Variants in MRPL30 observed in about 807,000 individuals in gnomAD.
The protein encoded by MRPL30 is large ribosomal subunit protein uL30m.
MRPL30 carries 10 observed loss-of-function variants against 17.2 expected under a neutral mutation model. The observed-to-expected ratio is 0.58, with a 90% CI of 0.36 to 0.99. The LOEUF (loss-of-function observed/expected upper bound fraction) is 0.99, where lower values mean the gene tolerates loss of function less well. MRPL30 is among the 50% of genes least tolerant of loss of function. The pLI, the probability that MRPL30 is intolerant of heterozygous loss-of-function variation, is 0.01. For synonymous variants in MRPL30, 61 were observed against 62.1 expected, an observed-to-expected ratio of 0.98 and a Z score of 0.08; for missense variants, 170 against 189.8, an observed-to-expected ratio of 0.90 and a Z score of 0.61.
rs2093959746 is a variant in MRPL30 at position 99,199,341 on chromosome 2, T to G, written c.*3636T>G. Among the ~76,000 whole-genome samples the G allele has an allele frequency of 6.6e-6, 1 of 152,182 alleles. No homozygotes were observed. The highest frequency in any genetic ancestry group is 1.5e-5 in the Non-Finnish European group (1 of 68,026). ...CTTTTCTCTCAAGACCTGAGGGAAT[T>G]AATTAATAAGGAATCCTTGGAACAC... On this transcript the variant is annotated 3_prime_UTR_variant, in exon 6 of 6. Coordinates refer to ENST00000338148, the MANE Select transcript of MRPL30 (RefSeq NM_145212.4).
chr2:99,185,531 C>T (rs1226097071), intron 1 of MRPL30, among the ~76,000 whole-genome samples: 1 of 152,132 alleles, frequency 6.6e-6, no homozygotes, highest in Non-Finnish European at 1.5e-5. Context: ...TAGTAGGCTA[C>T]AGTTGTTTTG....
chr2:99,189,579 A>G (rs1007957009), intron 3 of MRPL30, among the ~76,000 whole-genome samples: 1 of 152,218 alleles, frequency 6.6e-6, no homozygotes, highest in Non-Finnish European at 1.5e-5. Context: ...TTGGACAGTA[A>G]TGAACAAAGC....
In MRPL30 at chr2:99,196,598, C is replaced by G. The variant is rs1574848503; in HGVS notation, c.*893C>G. 6.6e-6 allele frequency: 1 copy of G among 152,330 alleles called. No homozygotes were observed. Among genetic ancestry groups the G allele is most frequent in the East Asian group, 1.9e-4 (1 of 5,204 alleles). The allele number at this position is 152,330 out of a possible 1,614,324, so 9.4% of individuals were successfully genotyped here. A position where few individuals can be genotyped will look rare whatever the true frequency, so the allele number is the denominator to read the frequency against. On this transcript the variant is annotated 3_prime_UTR_variant, in exon 6 of 6. Coordinates refer to ENST00000338148, the MANE Select transcript of MRPL30 (RefSeq NM_145212.4). Reference sequence around the variant, plus strand: ...GGGATTACAGGCATGAGCCACTGTACCCAGCCAAAATTGTTTTCTTTTTTA... The same window carrying G: ...GGGATTACAGGCATGAGCCACTGTAGCCAGCCAAAATTGTTTTCTTTTTTA...
Position 99,195,150 on chromosome 2 carries a change from C to T in MRPL30, c.314C>T (p.Ser105Leu). The change falls in exon 5 of 6, where the codon TCA becomes TTA. Residue 105 changes from serine (S) to leucine (L), a missense_variant. Ser to Leu is a moderately radical substitution (Grantham distance 145, BLOSUM62 -2). Transcript: ENST00000338148. ...CCTCAAGTTCACAAGAATATCCCTT[C>T]AGTGAATGCAAAATTGAAAGTAGTT... Reference protein sequence around the residue: ...HTPQVHKNIPSVNAKLKVVKH... With the variant: ...HTPQVHKNIPLVNAKLKVVKH... 1.9e-6 allele frequency: 3 copies of T among 1,605,600 alleles called. No individual in the cohort carries two copies. The South Asian group carries it at 3.4e-5, about 18-fold the overall frequency.
At chr2:99,194,621 G>A in intron 3 of MRPL30, 130 bp from the exon 4 acceptor site, 1 of 762,210 alleles carries the variant, frequency 1.3e-6, no homozygotes, top group Non-Finnish European at 2.1e-6. Flanking sequence ...TGAGGTTGAG[G>A]ATTACATGAT....
At position 99,198,842 on chromosome 2, in the gene MRPL30, A is replaced by G. The variant is rs1362438553; in HGVS notation, c.*3137A>G. On this transcript the variant is annotated 3_prime_UTR_variant, in exon 6 of 6. Coordinates refer to ENST00000338148, the MANE Select transcript of MRPL30 (RefSeq NM_145212.4). Reference sequence around the variant, plus strand: ...CTGACATCTGGTGGTGACCGTGGCCACCAAGTCAACCCAAACACTACCTTT... The same window carrying G: ...CTGACATCTGGTGGTGACCGTGGCCGCCAAGTCAACCCAAACACTACCTTT... Among the ~76,000 whole-genome samples the G allele has an allele frequency of 6.6e-6, 1 of 152,196 alleles. No homozygotes were observed.
chr2:99,194,656 G>T, intron 3 of MRPL30, 95 bp from the exon 4 acceptor site: 3 of 1,047,178 alleles, frequency 2.9e-6, no homozygotes, highest in Non-Finnish European at 4.2e-6. Context: ...TAATTATGTA[G>T]TTGTGTATGT....
intron 4 of MRPL30, 43 bp downstream of exon 4, chr2:99,194,940 T>C (rs1434251274): frequency 2.0e-6 from 3 of 1,494,898 alleles, no homozygotes; most frequent in Non-Finnish European, 2.7e-6. Context: ...TTTACATTGC[T>C]TTAAATTTTA....
In MRPL30 at chr2:99,194,594, G is replaced by T. The variant is rs146160590; in HGVS notation, c.133-157G>T. Reference sequence around the variant, plus strand: ...CTCCATCTATCTGCATAATCAGATTGATAGAAATGTTCAATCTGAGGTTGA... The same window carrying T: ...CTCCATCTATCTGCATAATCAGATTTATAGAAATGTTCAATCTGAGGTTGA... On this transcript the variant is annotated intron_variant, in intron 3 of 5. Transcript: ENST00000338148. 8.9e-4 allele frequency among the ~76,000 whole-genome samples: 136 copies of T among 152,268 alleles called. No homozygotes were observed. In the Middle Eastern group the frequency reaches 0.017, roughly 19 times the overall value.
intron 3 of MRPL30, among the ~76,000 whole-genome samples, chr2:99,190,726 A>G (rs550940616): frequency 7.9e-5 from 12 of 152,324 alleles, no homozygotes; most frequent in Admixed American, 2.6e-4. Flanking sequence ...AGGCACAGGC[A>G]GGAGAATAAC....
rs2093959176 is a variant in MRPL30, at chr2:99,198,905, A to G, written c.*3200A>G. Among the ~76,000 whole-genome samples the G allele has an allele frequency of 6.6e-6, 1 of 152,082 alleles. No homozygotes were observed. ...AGTTCTCTTAGGGTCTCCTCAATCT[A>G]AAATTGTACCTCTTTCAGGCCAAAC... is the stretch of plus-strand genomic sequence containing the variant. On this transcript the variant is annotated 3_prime_UTR_variant, in exon 6 of 6. Coordinates refer to ENST00000338148, the MANE Select transcript of MRPL30 (RefSeq NM_145212.4).
chr2:99,188,286 T>G, intron 3 of MRPL30, 29 bp downstream of exon 3: 1 of 1,518,470 alleles, frequency 6.6e-7, no homozygotes, highest in South Asian at 1.2e-5. Context: ...TTTTTTAATG[T>G]TAGTGTTGTT....
chr2:99,185,037 T>G (rs565034403), intron 1 of MRPL30, among the ~76,000 whole-genome samples: 3 of 152,272 alleles, frequency 2.0e-5, no homozygotes, highest in Admixed American at 6.5e-5. Flanking sequence ...TGTGGTTGAG[T>G]GAGCATTACC....
rs749491271 is a variant in MRPL30 at position 99,195,554 on chromosome 2, G to T, written c.354-19G>T. The T allele has an allele frequency of 2.5e-6, 4 of 1,589,268 alleles. No individual in the cohort carries two copies. Among genetic ancestry groups the T allele is most frequent in the Non-Finnish European group, 3.4e-6 (4 of 1,173,150 alleles). On this transcript the variant is annotated intron_variant, in intron 5 of 5. Transcript: ENST00000338148. ...TAGAACGTATTCCTCCTATCTAAAC[G>T]CATTTTCTTGTGTCACAGAATCAAG...
Position 99,196,038 on chromosome 2 carries a change from G to A in MRPL30, c.*333G>A. On this transcript the variant is annotated 3_prime_UTR_variant, in exon 6 of 6. Coordinates refer to ENST00000338148, the MANE Select transcript of MRPL30 (RefSeq NM_145212.4). ...AGAGGTTGCAGTGAGCTGAGATGGT[G>A]CCACTGTACTCCAGCCTGGGTGATA... 1 of 271,998 alleles carries A rather than the reference G, an allele frequency of 3.7e-6. No individual in the cohort carries two copies. The highest frequency in any genetic ancestry group is 7.0e-6 in the Non-Finnish European group (1 of 142,306). 16.8% of individuals were successfully genotyped at this position (271,998 alleles called of 1,614,324 possible). A position where few individuals can be genotyped will look rare whatever the true frequency, so the allele number is the denominator to read the frequency against.
At chr2:99,195,416 C>A in intron 5 of MRPL30, 157 bp from the exon 6 acceptor site, 1 of 928,762 alleles carries the variant, frequency 1.1e-6, no homozygotes, top group Non-Finnish European at 1.6e-6. Flanking sequence ...GCATATCCAT[C>A]ATCTCAGACA....
intron 1 of MRPL30, among the ~76,000 whole-genome samples, chr2:99,183,665 T>C (rs2093929517): frequency 1.3e-5 from 2 of 152,244 alleles, no homozygotes; most frequent in South Asian, 4.1e-4. Flanking sequence ...TGAATAGTTT[T>C]AGATTTTCAA....
At chr2:99,188,032 T>C (rs1026157114) in intron 2 of MRPL30, 145 bp from the exon 3 acceptor site, 3 of 571,508 alleles carry the variant, frequency 5.2e-6, no homozygotes, top group South Asian at 5.3e-5. Context: ...TTAGATGGGA[T>C]GCGTTCACTC....
At chr2:99,182,025 G>A (rs1174669731) in intron 1 of MRPL30, among the ~76,000 whole-genome samples, 2 of 151,904 alleles carry the variant, frequency 1.3e-5, no homozygotes, top group African/African-American at 4.8e-5. Context: ...CGCTGGGGGG[G>A]AGAAGGGGGA....
Sources: gnomAD v4.1 joint callset for allele counts (sites outside exome capture counted in the v4.1 genomes callset) on GRCh38, gnomAD v4.1.1 for gene constraint, MANE v1.5 for transcripts, NCBI Gene and HGNC (gene_info 2026-07-23, HGNC 2026-07-21) for gene names.